The following GRID2 variants were observed in gnomAD, a reference collection of about 807,000 sequenced individuals.
GRID2 encodes the protein glutamate ionotropic receptor delta type subunit 2, also known as glutamate receptor ionotropic, delta-2.
A neutral mutation model predicts 114.8 loss-of-function variants in GRID2; 33 were observed. The ratio of observed to expected loss-of-function variants is 0.29; its 90% CI spans 0.22 to 0.38. GRID2 has a LOEUF of 0.38. Ranked by LOEUF, GRID2 falls within the 10% of genes least tolerant of loss-of-function variation. The probability of loss-of-function intolerance (pLI) is 1.00; values close to 1 mark genes in which losing one functional copy is unlikely to be tolerated. For synonymous variants in GRID2, 505 were observed against 449.9 expected, an observed-to-expected ratio of 1.12 and a Z score of -1.55; for missense variants, 1,184 against 1,257.7, an observed-to-expected ratio of 0.94 and a Z score of 0.89.
chr4:93,141,987 C>T (rs1735810466), intron 4 of GRID2, among the ~76,000 whole-genome samples: 1 of 152,142 alleles, frequency 6.6e-6, no homozygotes, highest in African/African-American at 2.4e-5. Context: ...CTGGCTTATG[C>T]CTGTAATCCC....
chr4:93,134,284 A>G (rs1057294945), intron 4 of GRID2, among the ~76,000 whole-genome samples: 1 of 152,184 alleles, frequency 6.6e-6, no homozygotes. Context: ...TAAGTTAGTC[A>G]TATTTCAGTA....
intron 2 of GRID2, among the ~76,000 whole-genome samples, chr4:92,683,202 G>T (rs984557005): frequency 1.3e-4 from 20 of 152,014 alleles, no homozygotes; most frequent in African/African-American, 4.8e-4. Context: ...GGGAGGCTGA[G>T]GCAGGAGAAT....
chr4:93,246,568 C>T (rs527428627), intron 8 of GRID2, among the ~76,000 whole-genome samples: 19 of 128,688 alleles, frequency 1.5e-4, no homozygotes, highest in African/African-American at 5.8e-4. Flanking sequence ...GCTTGGGTGA[C>T]AATGCAAGAC....
intron 14 of GRID2, among the ~76,000 whole-genome samples, chr4:93,677,835 AC>A (rs1401340699): frequency 6.6e-6 from 1 of 152,160 alleles, no homozygotes; most frequent in Non-Finnish European, 1.5e-5. Context: ...TGGGGAAAAA[AC>A]AAAGCAGAAA....
chr4:93,745,282 A>T (rs1731746246), intron 14 of GRID2, among the ~76,000 whole-genome samples: 1 of 152,160 alleles, frequency 6.6e-6, no homozygotes, highest in Admixed American at 6.6e-5. Flanking sequence ...AACAATGTGA[A>T]CTACATTTCC....
At chr4:93,331,096 TACA>T (rs1191017368) in intron 8 of GRID2, among the ~76,000 whole-genome samples, 1 of 151,402 alleles carries the variant, frequency 6.6e-6, no homozygotes, top group Non-Finnish European at 1.5e-5. Context: ...ACAAAAATAA[TACA>T]ACAGCCTCAG....
intron 1 of GRID2, among the ~76,000 whole-genome samples, chr4:93,786,233 T>G (rs1734589857): frequency 6.6e-6 from 1 of 152,168 alleles, no homozygotes; most frequent in Admixed American, 6.5e-5. Context: ...AATGGTGGAC[T>G]AAAGCCAGAC....
At chr4:93,325,520 C>A (rs1050209565) in intron 8 of GRID2, among the ~76,000 whole-genome samples, 13 of 151,624 alleles carry the variant, frequency 8.6e-5, no homozygotes, top group Non-Finnish European at 2.9e-5. Context: ...TAGGTAATTT[C>A]TTAAATTTTA....
chr4:92,313,483 A>G (rs1433607270), intron 1 of GRID2, among the ~76,000 whole-genome samples: 1 of 152,042 alleles, frequency 6.6e-6, no homozygotes, highest in Non-Finnish European at 1.5e-5. Context: ...AGTAAAATTA[A>G]AAGAAAGAAA....
intron 1 of GRID2, among the ~76,000 whole-genome samples, chr4:92,429,450 A>G (rs747600228): frequency 1.3e-5 from 2 of 152,182 alleles, no homozygotes; most frequent in Admixed American, 6.5e-5. Context: ...ATGCCCGAAT[A>G]GTACCCCATT....
intron 8 of GRID2, among the ~76,000 whole-genome samples, chr4:93,333,292 C>G (rs1193057721): frequency 6.6e-6 from 1 of 152,138 alleles, no homozygotes; most frequent in Admixed American, 6.5e-5. Context: ...GCTTGAGATA[C>G]TACAACCCTA....
rs1727842115 is a variant in GRID2 at position 92,347,709 on chromosome 4, C to T, written c.88+42965C>T. Among the ~76,000 whole-genome samples, 7 of 152,064 alleles carry T rather than the reference C, an allele frequency of 4.6e-5. No individual in the cohort carries two copies. In the South Asian group the frequency reaches 1.5e-3, roughly 32 times the overall value. On this transcript the variant is annotated intron_variant, in intron 1 of 15. Coordinates refer to ENST00000282020, the MANE Select transcript of GRID2 (RefSeq NM_001510.4). ...ACATAAGATGAAACATTGGTATAAC[C>T]TATAGGAAGGCGAGATTGAGGGATA...
intron 4 of GRID2, among the ~76,000 whole-genome samples, chr4:93,178,447 A>C (rs572324714): frequency 8.7e-6 from 1 of 115,398 alleles, no homozygotes; most frequent in East Asian, 3.0e-4. Context: ...CTCAGGCTGG[A>C]GTACAGTGAT....
intron 13 of GRID2, among the ~76,000 whole-genome samples, chr4:93,522,176 G>A (rs1730401989): frequency 6.6e-6 from 1 of 152,132 alleles, no homozygotes; most frequent in African/African-American, 2.4e-5. Flanking sequence ...ACATAAGTTA[G>A]AAGATGTGGT....
At chr4:93,012,502 T>C (rs189174487) in intron 2 of GRID2, among the ~76,000 whole-genome samples, 5 of 152,198 alleles carry the variant, frequency 3.3e-5, no homozygotes, top group Admixed American at 3.3e-4. Flanking sequence ...AAATCTACTG[T>C]GCATTTGATA....
intron 2 of GRID2, among the ~76,000 whole-genome samples, chr4:92,604,091 G>T (rs955697294): frequency 6.6e-6 from 1 of 152,206 alleles, no homozygotes; most frequent in African/African-American, 2.4e-5. Flanking sequence ...CTGTTGGTGG[G>T]AATGCAAATC....
intron 2 of GRID2, among the ~76,000 whole-genome samples, chr4:92,806,526 T>C (rs12647036): frequency 0.023 from 3,443 of 151,976 alleles, 96 homozygotes; most frequent in East Asian, 0.12. Context: ...TATTACAATA[T>C]ATATTTTCTT....
chr4:92,578,056 CT>C lies in GRID2; in HGVS notation c.89-12073del, dbSNP rs1560468377. On this transcript the variant is annotated intron_variant, in intron 1 of 15. Coordinates refer to ENST00000282020, the MANE Select transcript of GRID2 (RefSeq NM_001510.4). ...TGAAACTTAGTTTCTTCTTCTTCTT[CT>C]TCTTCTTCTTCTTCTTCTTCTTCTT... Among the ~76,000 whole-genome samples, 42 of 44,224 alleles carry C rather than the reference CT, an allele frequency of 9.5e-4. 1 individual carries two copies. Among genetic ancestry groups the C allele is most frequent in the African/African-American group, 3.1e-3 (33 of 10,806 alleles). 29.0% of individuals were successfully genotyped at this position (44,224 alleles called of 152,430 possible).
chr4:92,701,716 C>A lies in GRID2; in HGVS notation c.244+111430C>A, dbSNP rs189493190. 2.5e-4 allele frequency among the ~76,000 whole-genome samples: 38 copies of A among 151,998 alleles called. 2 individuals are homozygous for A. The highest frequency in any genetic ancestry group is 1.8e-3 in the Admixed American group (27 of 15,276). ...AATAAAGCCAGGACATATTTTCTTG[C>A]CTCAATTATATAGCACTATCAAATC... On this transcript the variant is annotated intron_variant, in intron 2 of 15. Coordinates refer to ENST00000282020, the MANE Select transcript of GRID2 (RefSeq NM_001510.4).
Sources: allele counts gnomAD v4.1 joint callset (sites outside exome capture counted in the v4.1 genomes callset), GRCh38; gene constraint gnomAD v4.1.1; transcripts MANE v1.5; gene names NCBI Gene and HGNC (gene_info 2026-07-23, HGNC 2026-07-21).